Variants in CCDC136 observed in about 807,000 individuals in gnomAD.
The protein encoded by CCDC136 is coiled-coil domain containing 136, also known as coiled-coil domain-containing protein 136.
A neutral mutation model predicts 141.2 loss-of-function variants in CCDC136; 100 were observed. The ratio of observed to expected loss-of-function variants is 0.71; its 90% CI spans 0.60 to 0.84. The LOEUF (loss-of-function observed/expected upper bound fraction) is 0.84, where lower values mean the gene tolerates loss of function less well. CCDC136 is among the 40% of genes least tolerant of loss of function. CCDC136 has a pLI of 0.00. For missense variants in CCDC136, 1,206 were observed against 1,379.4 expected (o/e 0.87, Z 1.99); for synonymous variants, 474 against 531.9 (o/e 0.89, Z 1.50).
chr7:128,814,655 C>G lies in CCDC136; in HGVS notation c.2781C>G (p.Thr927=). The G allele has an allele frequency of 1.3e-6, 2 of 1,586,302 alleles. No homozygotes were observed. The highest frequency in any genetic ancestry group is 1.7e-6 in the Non-Finnish European group (2 of 1,165,246). The change falls in exon 15 of 18, where the codon ACC becomes ACG. Residue 927 remains threonine (T), a synonymous_variant. Coordinates refer to ENST00000297788, the MANE Select transcript of CCDC136 (RefSeq NM_022742.5). ...ACCAACAGATCAAAGAACTGCAGAC[C>G]AAGCTGCGGGAGCTGCAGCTGCAAT... ...NDKNEIKELQ[T]KLRELQLQYQ...
At chr7:128,810,691 A>G (rs1396295578) in intron 12 of CCDC136, among the ~76,000 whole-genome samples, 2 of 152,246 alleles carry the variant, frequency 1.3e-5, no homozygotes, top group African/African-American at 4.8e-5. Flanking sequence ...ATTCCCAGTA[A>G]GATGTATAAT....
intron 1 of CCDC136, among the ~76,000 whole-genome samples, chr7:128,793,117 A>C (rs1341669447): frequency 6.6e-6 from 1 of 152,278 alleles, no homozygotes; most frequent in Non-Finnish European, 1.5e-5. Flanking sequence ...AAGGCTGCTG[A>C]TATTAGATAA....
intron 12 of CCDC136, 30 bp downstream of exon 12, chr7:128,810,396 TCTC>T (rs767151742): frequency 2.0e-6 from 3 of 1,497,260 alleles, no homozygotes; most frequent in East Asian, 2.3e-5. Context: ...GGGAGACAGT[TCTC>T]CTGAGCACAA....
At chr7:128,811,666 T>C (rs1472698686) in intron 12 of CCDC136, 134 bp from the exon 13 acceptor site, 4 of 780,728 alleles carry the variant, frequency 5.1e-6, no homozygotes, top group Non-Finnish European at 8.2e-6. Flanking sequence ...GTCAGAGACA[T>C]AGGCCGGGGT....
intron 3 of CCDC136, among the ~76,000 whole-genome samples, chr7:128,800,648 G>A (rs567298675): frequency 1.4e-3 from 206 of 152,236 alleles, no homozygotes; most frequent in Middle Eastern, 3.4e-3. Flanking sequence ...ATTATCCCGT[G>A]TTTGGTTATT....
At chr7:128,795,515 T>C (rs997875037) in intron 3 of CCDC136, among the ~76,000 whole-genome samples, 1 of 151,556 alleles carries the variant, frequency 6.6e-6, no homozygotes, top group African/African-American at 2.4e-5. Flanking sequence ...GAAGCAGGCC[T>C]GGACAGGAGC....
chr7:128,792,169 C>T lies in CCDC136; in HGVS notation c.-243C>T, dbSNP rs1356139724. On this transcript the variant is annotated 5_prime_UTR_variant, in exon 1 of 18. Coordinates refer to ENST00000297788, the MANE Select transcript of CCDC136 (RefSeq NM_022742.5). Reference sequence around the variant, plus strand: ...TGAGAGGTGGCCGAGAGAGAGGAGTCGCAGAGCCGCCAGAGTGAGTCAGGC... The same window carrying T: ...TGAGAGGTGGCCGAGAGAGAGGAGTTGCAGAGCCGCCAGAGTGAGTCAGGC... The T allele has an allele frequency of 6.9e-7, 1 of 1,440,652 alleles. No homozygotes were observed. Among genetic ancestry groups the T allele is most frequent in the East Asian group, 2.7e-5 (1 of 37,686 alleles). 89.2% of individuals were successfully genotyped at this position (1,440,652 alleles called of 1,614,324 possible). A position where few individuals can be genotyped will look rare whatever the true frequency, so the allele number is the denominator to read the frequency against.
chr7:128,792,674 G>T (rs951472200), intron 1 of CCDC136, among the ~76,000 whole-genome samples: 3 of 152,174 alleles, frequency 2.0e-5, no homozygotes, highest in African/African-American at 7.2e-5. Context: ...CGAGGGAGCT[G>T]CCAGACAGAG....
chr7:128,816,072 T>C, intron 16 of CCDC136, 141 bp downstream of exon 16: 1 of 772,922 alleles, frequency 1.3e-6, no homozygotes, highest in East Asian at 2.7e-5. Flanking sequence ...TTCGGGGAGG[T>C]GGAGATGCAG....
Position 128,804,746 on chromosome 7 carries a change from ATCTGGAGAGTGAGAGGTACAGCTGTC to A in CCDC136, c.782+3_782+28del. On this transcript the variant is annotated splice_donor_variant and splice_donor_5th_base_variant and coding_sequence_variant and intron_variant, in exon 5 of 18. Transcript: ENST00000297788. LOFTEE classifies it high-confidence loss of function. ...AGCAGCCTCACGGGGCAGCTTGCAG[ATCTGGAGAGTGAGAGGTACAGCTGTC>A]TCTGGAGAGTGAGAGGTCATGGGGT... 3.1e-6 allele frequency: 5 copies of A among 1,593,390 alleles called. No homozygotes were observed. Among genetic ancestry groups the A allele is most frequent in the Admixed American group, 1.7e-5 (1 of 57,504 alleles).
rs1804683862 is a variant in CCDC136 at position 128,805,420 on chromosome 7, T to C, written c.844T>C (p.Ser282Pro). The C allele has an allele frequency of 1.2e-6, 2 of 1,613,366 alleles. No homozygotes were observed. The highest frequency in any genetic ancestry group is 2.7e-5 in the African/African-American group (2 of 74,744). The change falls in exon 6 of 18, where the codon TCT becomes CCT. Residue 282 changes from serine (S) to proline (P), a missense_variant. Ser to Pro is a moderately conservative substitution (Grantham distance 74). Transcript: ENST00000297788. This position sits in a 1 kb window ranked among gnomAD's most constrained non-coding sequence, Gnocchi z 4.6. ...SQTLSMTSAE[S>P]QTSEMDFLEP... ...AACACTGAGTATGACGTCAGCAGAG[T>C]CTCAGACTTCAGAAATGGATTTCTT...
rs188002290 is a variant in CCDC136, at chr7:128,792,059, A to C, written c.-353A>C. Reference sequence around the variant, plus strand: ...GGCCCTCTCCTCCCTGTCCCCCCGGACTAAATACGCACACCCCCTCTTTCT... The same window carrying C: ...GGCCCTCTCCTCCCTGTCCCCCCGGCCTAAATACGCACACCCCCTCTTTCT... On this transcript the variant is annotated 5_prime_UTR_variant, in exon 1 of 18. Transcript: ENST00000297788. The C allele has an allele frequency of 8.5e-5, 108 of 1,269,594 alleles. No homozygotes were observed. The African/African-American group carries it at 1.0e-3, about 12-fold the overall frequency. 78.6% of individuals were successfully genotyped at this position (1,269,594 alleles called of 1,614,324 possible). A position where few individuals can be genotyped will look rare whatever the true frequency, so the allele number is the denominator to read the frequency against.
At chr7:128,820,890 T>G (rs1314991833) in intron 17 of CCDC136, among the ~76,000 whole-genome samples, 1 of 152,262 alleles carries the variant, frequency 6.6e-6, no homozygotes, top group Non-Finnish European at 1.5e-5. Flanking sequence ...AATTATCATC[T>G]GAGAAAATGT....
At chr7:128,812,615 G>A in intron 13 of CCDC136, 93 bp from the exon 14 acceptor site, 2 of 958,940 alleles carry the variant, frequency 2.1e-6, no homozygotes, top group Admixed American at 2.1e-5. Flanking sequence ...GATCCTGGTG[G>A]CCATTGTTTG....
chr7:128,796,722 A>AACATATATAT (rs1802996710), intron 3 of CCDC136, among the ~76,000 whole-genome samples: 1 of 120,728 alleles, frequency 8.3e-6, no homozygotes, highest in Admixed American at 7.7e-5. Flanking sequence ...GATGATTCAG[A>AACATATATAT]ATATATATAT....
At chr7:128,792,660 G>A (rs774577977) in intron 1 of CCDC136, among the ~76,000 whole-genome samples, 40 of 152,270 alleles carry the variant, frequency 2.6e-4, no homozygotes, top group Admixed American at 5.2e-4. Context: ...CAGGTTATGT[G>A]TCCCGAGGGA....
chr7:128,807,707 G>A (rs1187359516), intron 10 of CCDC136, 162 bp downstream of exon 10: 3 of 449,094 alleles, frequency 6.7e-6, no homozygotes, highest in Non-Finnish European at 1.2e-5. Context: ...TGTTTGCCCT[G>A]ACCTTGACTT....
At position 128,794,320 on chromosome 7, in the gene CCDC136, T is replaced by G. The variant is rs1585046021; in HGVS notation, c.17-28T>G. 6.4e-7 allele frequency: 1 copy of G among 1,551,728 alleles called. No homozygotes were observed. Among genetic ancestry groups the G allele is most frequent in the East Asian group, 2.4e-5 (1 of 40,918 alleles). On this transcript the variant is annotated intron_variant, in intron 1 of 17. Transcript: ENST00000297788. The surrounding 1 kb of genome is among the most constrained non-coding windows in gnomAD (Gnocchi z 4.3). The stretch of plus-strand genomic sequence containing the variant: ...CGGCAGAAAGGAAGTTGATGCTGAC[T>G]CCTTGGTGGGATGGCTGTGTCTCCT...
chr7:128,812,669 C>A, intron 13 of CCDC136, 39 bp from the exon 14 acceptor site: 1 of 1,501,062 alleles, frequency 6.7e-7, no homozygotes, highest in Admixed American at 1.8e-5. Flanking sequence ...AGCTTAGGTG[C>A]TCCTCAGGGT....
Sources: allele counts gnomAD v4.1 joint callset (sites outside exome capture counted in the v4.1 genomes callset), GRCh38; gene constraint gnomAD v4.1.1; non-coding constraint Gnocchi (gnomAD v3.1); transcripts MANE v1.5; gene names NCBI Gene and HGNC (gene_info 2026-07-23, HGNC 2026-07-21).